CYP7B1: variants seen among roughly 807,000 people sequenced by gnomAD.
The protein encoded by CYP7B1 is cytochrome P450 7B1.
A neutral mutation model predicts 42.7 loss-of-function variants in CYP7B1; 29 were observed. The ratio of observed to expected loss-of-function variants is 0.68; its 90% CI spans 0.51 to 0.93. The LOEUF is 0.93. Among genes scored for constraint, CYP7B1 ranks in the 40% least tolerant of loss-of-function variants. The pLI is 0.00. For synonymous variants in CYP7B1, 235 were observed against 218.2 expected, an observed-to-expected ratio of 1.08 and a Z score of -0.68; for missense variants, 655 against 600.5, an observed-to-expected ratio of 1.09 and a Z score of -0.95.
chr8:64,673,081 AC>A (rs1806390832), intron 1 of CYP7B1, among the ~76,000 whole-genome samples: 1 of 152,106 alleles, frequency 6.6e-6, no homozygotes, highest in African/African-American at 2.4e-5. Flanking sequence ...CAAGCTACAT[AC>A]CTTGTCTCCC....
chr8:64,589,839 A>T (rs1476853831), downstream of CYP7B1: 1 of 152,220 alleles, frequency 6.6e-6, no homozygotes, highest in African/African-American at 2.4e-5. Context: ...CTGTGAGCAC[A>T]GTTTGCTGTA....
At chr8:64,640,136 G>A (rs954534462) in intron 1 of CYP7B1, among the ~76,000 whole-genome samples, 1 of 152,122 alleles carries the variant, frequency 6.6e-6, no homozygotes, top group African/African-American at 2.4e-5. Flanking sequence ...TTGGGGTTGA[G>A]GGTAGGAGCA....
At chr8:64,660,333 T>C (rs2129631404) in intron 1 of CYP7B1, among the ~76,000 whole-genome samples, 1 of 152,328 alleles carries the variant, frequency 6.6e-6, no homozygotes, top group South Asian at 2.1e-4. Flanking sequence ...CTTAAAACAA[T>C]TCATTATCTC....
intron 5 of CYP7B1, among the ~76,000 whole-genome samples, chr8:64,601,160 T>G (rs1805197570): frequency 6.6e-6 from 1 of 152,182 alleles, no homozygotes; most frequent in Non-Finnish European, 1.5e-5. Context: ...GATTTAGAAT[T>G]TTTTCAAGGG....
chr8:64,796,574 G>T (rs1426168454), intron 1 of CYP7B1, among the ~76,000 whole-genome samples: 1 of 152,086 alleles, frequency 6.6e-6, no homozygotes, highest in Non-Finnish European at 1.5e-5. Flanking sequence ...AAAACATAAA[G>T]CACACATACA....
At chr8:64,727,213 T>C (rs1028153702) in intron 1 of CYP7B1, among the ~76,000 whole-genome samples, 1 of 152,146 alleles carries the variant, frequency 6.6e-6, no homozygotes, top group Admixed American at 6.6e-5. Context: ...GACAATACAG[T>C]ATTATAAAGG....
chr8:64,638,233 A>G (rs548583700), intron 1 of CYP7B1, among the ~76,000 whole-genome samples: 2 of 152,054 alleles, frequency 1.3e-5, no homozygotes, highest in African/African-American at 4.8e-5. Context: ...TTTCCTCACT[A>G]GCTCCAGATC....
At chr8:64,771,990 T>A (rs1256046891) in intron 1 of CYP7B1, among the ~76,000 whole-genome samples, 1 of 152,188 alleles carries the variant, frequency 6.6e-6, no homozygotes, top group Non-Finnish European at 1.5e-5. Flanking sequence ...AATGTACACC[T>A]TCCCTTCTTT....
chr8:64,586,946 G>A (rs954663479), downstream of CYP7B1, among the ~76,000 whole-genome samples: 6 of 152,214 alleles, frequency 3.9e-5, no homozygotes, highest in Non-Finnish European at 7.3e-5. Flanking sequence ...GAGGGAAAGA[G>A]AAGGAAAAAC....
In CYP7B1 at chr8:64,614,241, G is replaced by A. The variant is rs551487065; in HGVS notation, c.1057+785C>T. Among the ~76,000 whole-genome samples the A allele has an allele frequency of 1.3e-4, 20 of 152,172 alleles. 1 individual carries two copies. Among genetic ancestry groups the A allele is most frequent in the South Asian group, 8.3e-4 (4 of 4,818 alleles). The stretch of plus-strand genomic sequence containing the variant: ...TTAATTTGCAGCGTGCTAATTAAAC[G>A]AAATCTGCTGCGATTAAAAGCTCCA... On this transcript the variant is annotated intron_variant, in intron 4 of 5. Transcript: ENST00000310193.
chr8:64,635,121 A>C (rs1805751240), intron 1 of CYP7B1, among the ~76,000 whole-genome samples: 1 of 152,216 alleles, frequency 6.6e-6, no homozygotes, highest in South Asian at 2.1e-4. Flanking sequence ...ACAGTTAGGA[A>C]TTAGGTCAAT....
At chr8:64,587,445 G>A (rs1482149896), downstream of CYP7B1, among the ~76,000 whole-genome samples, 1 of 152,210 alleles carries the variant, frequency 6.6e-6, no homozygotes, top group African/African-American at 2.4e-5. Flanking sequence ...CTCGAGGATC[G>A]GGTTGTCCCC....
intron 1 of CYP7B1, among the ~76,000 whole-genome samples, chr8:64,729,591 A>G (rs1473545521): frequency 1.3e-5 from 2 of 152,244 alleles, no homozygotes; most frequent in African/African-American, 4.8e-5. Context: ...TTTATCCAGC[A>G]TAGTGTAATT....
At chr8:64,720,450 A>G (rs755344438) in intron 1 of CYP7B1, among the ~76,000 whole-genome samples, 6 of 152,180 alleles carry the variant, frequency 3.9e-5, no homozygotes, top group Non-Finnish European at 8.8e-5. Context: ...GAAGCAAATA[A>G]TAATACTCTG....
chr8:64,798,375 A>C (rs1252984867), intron 1 of CYP7B1, 91 bp downstream of exon 1: 1 of 1,403,580 alleles, frequency 7.1e-7, no homozygotes, highest in Non-Finnish European at 9.2e-7. Flanking sequence ...CTGCACTGGA[A>C]ATCATGGAGG....
intron 1 of CYP7B1, among the ~76,000 whole-genome samples, chr8:64,712,510 T>G (rs1271364193): frequency 6.6e-6 from 1 of 152,026 alleles, no homozygotes; most frequent in Non-Finnish European, 1.5e-5. Context: ...AATTTGCATG[T>G]GGAAAGGATT....
chr8:64,738,113 AAGTTCTCTG>A (rs1807516972), intron 1 of CYP7B1, among the ~76,000 whole-genome samples: 1 of 152,204 alleles, frequency 6.6e-6, no homozygotes, highest in Non-Finnish European at 1.5e-5. Flanking sequence ...GTAAAGCTGT[AAGTTCTCTG>A]AGTATCTGCA....
intron 1 of CYP7B1, among the ~76,000 whole-genome samples, chr8:64,740,737 A>C (rs1157810089): frequency 6.6e-6 from 1 of 152,104 alleles, no homozygotes; most frequent in Non-Finnish European, 1.5e-5. Context: ...TATGCCCACA[A>C]ATTTCACAAC....
intron 1 of CYP7B1, among the ~76,000 whole-genome samples, chr8:64,796,313 AAAAGAACCC>A (rs1482924051): frequency 7.2e-5 from 11 of 152,228 alleles, no homozygotes; most frequent in Non-Finnish European, 1.6e-4. Flanking sequence ...ATTATATAGA[AAAAGAACCC>A]AATAGAAAAA....
Sources: allele counts gnomAD v4.1 joint callset (sites outside exome capture counted in the v4.1 genomes callset), GRCh38; gene constraint gnomAD v4.1.1; transcripts MANE v1.5; gene names NCBI Gene and HGNC (gene_info 2026-07-23, HGNC 2026-07-21).